Variants in RASSF6 observed in about 807,000 individuals in gnomAD.
The protein encoded by RASSF6 is Ras association domain family member 6.
Under a neutral mutation model 44.0 loss-of-function variants are expected in RASSF6, and 52 were observed. That is an observed-to-expected ratio of 1.18 (90% CI 0.95 to 1.49). The LOEUF (loss-of-function observed/expected upper bound fraction) is 1.49. RASSF6 is among the 40% of genes most tolerant of loss of function. RASSF6 has a pLI of 0.00. For missense variants in RASSF6, 464 were observed against 393.3 expected, an observed-to-expected ratio of 1.18 and a Z score of -1.52; for synonymous variants, 162 against 124.6, an observed-to-expected ratio of 1.30 and a Z score of -2.00.
intron 3 of RASSF6, among the ~76,000 whole-genome samples, chr4:73,596,004 G>T (rs1724915842): frequency 6.6e-6 from 1 of 152,154 alleles, no homozygotes; most frequent in Admixed American, 6.5e-5. Flanking sequence ...GGAAGATATT[G>T]TAAATATGTA....
At position 73,598,678 on chromosome 4, in the gene RASSF6, A is replaced by C; in HGVS notation, c.106T>G (p.Tyr36Asp). ...NSLLKTYNIF[Y>D]ENQKNLHILY... ...ATATGCAGATTTTTCTGGTTCTCATAAAAAATGTTATAGGTCTTCAATAAA... is the reference window on the plus strand; with the variant it reads ...ATATGCAGATTTTTCTGGTTCTCATCAAAAATGTTATAGGTCTTCAATAAA... The change falls in exon 3 of 11, where the codon TAT becomes GAT. Residue 36 changes from tyrosine (Y) to aspartate (D), a missense_variant. Coordinates refer to ENST00000307439, the MANE Select transcript of RASSF6 (RefSeq NM_177532.5). The C allele has an allele frequency of 6.6e-7, 1 of 1,524,812 alleles. No individual in the cohort carries two copies. The highest frequency in any genetic ancestry group is 8.9e-7 in the Non-Finnish European group (1 of 1,120,376). The allele number at this position is 1,524,812 out of a possible 1,614,324, so 94.5% of individuals were successfully genotyped here. A position where few individuals can be genotyped will look rare whatever the true frequency, so the allele number is the denominator to read the frequency against.
At chr4:73,580,016 TC>T (rs1181177123) in intron 8 of RASSF6, among the ~76,000 whole-genome samples, 2 of 103,936 alleles carry the variant, frequency 1.9e-5, no homozygotes, top group South Asian at 4.0e-4. Flanking sequence ...ATGCTATCCC[TC>T]CCCCCTCCCC....
intron 2 of RASSF6, chr4:73,604,323 A>C (rs1373598374): frequency 1.3e-5 from 2 of 152,214 alleles, no homozygotes; most frequent in Non-Finnish European, 2.9e-5. Context: ...AAAATAGAAA[A>C]AAATAGCCAG....
intron 3 of RASSF6, among the ~76,000 whole-genome samples, chr4:73,596,061 G>C (rs1462391438): frequency 6.6e-6 from 1 of 152,114 alleles, no homozygotes; most frequent in African/African-American, 2.4e-5. Flanking sequence ...GACGTGTGGA[G>C]AATGAAACAC....
In RASSF6 at chr4:73,587,877, G is replaced by T. The variant is rs756333980; in HGVS notation, c.345C>A (p.Thr115=). 2.5e-6 allele frequency: 4 copies of T among 1,609,616 alleles called. No individual in the cohort carries two copies. The highest frequency in any genetic ancestry group is 3.4e-6 in the Non-Finnish European group (4 of 1,176,994). The part of the protein sequence containing the change: ...DLYRISELDR[T]QIPMSEKRNS... Reference sequence around the variant, plus strand: ...TCCTTTTTTCAGACATAGGAATCTGGGTCCTGTCCAGCTCACTAATACGAT... The same window carrying T: ...TCCTTTTTTCAGACATAGGAATCTGTGTCCTGTCCAGCTCACTAATACGAT... The change falls in exon 5 of 11, where the codon ACC becomes ACA. Residue 115 remains threonine, a synonymous_variant. Coordinates refer to ENST00000307439, the MANE Select transcript of RASSF6 (RefSeq NM_177532.5).
At chr4:73,588,249 A>T (rs571268131) in intron 4 of RASSF6, among the ~76,000 whole-genome samples, 8 of 152,062 alleles carry the variant, frequency 5.3e-5, no homozygotes, top group Non-Finnish European at 1.0e-4. Context: ...CAAGATGATC[A>T]ATTGTTATAA....
chr4:73,586,058 T>C (rs1009541326), intron 5 of RASSF6, among the ~76,000 whole-genome samples: 47 of 143,082 alleles, frequency 3.3e-4, no homozygotes, highest in Admixed American at 6.0e-4. Flanking sequence ...GCCTTAGTTT[T>C]CCTATAAAAC....
At chr4:73,601,062 T>A (rs1174279187) in intron 2 of RASSF6, among the ~76,000 whole-genome samples, 1 of 152,224 alleles carries the variant, frequency 6.6e-6, no homozygotes, top group Non-Finnish European at 1.5e-5. Context: ...GAGCCTTACA[T>A]AATCTTATTC....
chr4:73,584,702 G>T lies in RASSF6; in HGVS notation c.567+478C>A, dbSNP rs373126889. 5.4e-4 allele frequency among the ~76,000 whole-genome samples: 82 copies of T among 152,144 alleles called. 1 individual carries two copies. In the South Asian group the frequency reaches 0.016, roughly 30 times the overall value. ...GCACTTACATTATTCCAGTATTATT[G>T]TTGGTATGTTGGTTTCCCTGCTCAA... On this transcript the variant is annotated intron_variant, in intron 6 of 10. Transcript: ENST00000307439.
intron 2 of RASSF6, among the ~76,000 whole-genome samples, chr4:73,600,692 G>A (rs6827519): frequency 0.5 from 74,750 of 150,878 alleles, 18,700 homozygotes; most frequent in East Asian, 0.68. Flanking sequence ...CAAGGTGTAC[G>A]TTTCCAAGGA....
rs1016970526 is a variant in RASSF6, at chr4:73,573,114, TAA to T, written c.*3119_*3120del. 6.6e-6 allele frequency: 1 copy of T among 151,962 alleles called. No homozygotes were observed. Among genetic ancestry groups the T allele is most frequent in the African/African-American group, 2.4e-5 (1 of 41,396 alleles). The allele number at this position is 151,962 out of a possible 1,614,324, so 9.4% of individuals were successfully genotyped here. On this transcript the variant is annotated 3_prime_UTR_variant, in exon 11 of 11. Transcript: ENST00000307439. ...TAATGGCTACATAACAATATACAAATAAATGTTTATTTCCCTCTTTTTTTTTT... is the reference window on the plus strand; with the variant it reads ...TAATGGCTACATAACAATATACAAATATGTTTATTTCCCTCTTTTTTTTTT...
intron 8 of RASSF6, among the ~76,000 whole-genome samples, chr4:73,579,769 A>C (rs1038418166): frequency 1.3e-5 from 2 of 151,918 alleles, no homozygotes; most frequent in African/African-American, 4.8e-5. Context: ...GCTACCATTT[A>C]TTTTATATCT....
intron 8 of RASSF6, among the ~76,000 whole-genome samples, chr4:73,579,400 G>T (rs2149363626): frequency 6.6e-6 from 1 of 152,264 alleles, no homozygotes; most frequent in African/African-American, 2.4e-5. Flanking sequence ...TTTCACTAGT[G>T]TTGCATAAAA....
At chr4:73,583,484 T>A (rs1240622839) in intron 6 of RASSF6, among the ~76,000 whole-genome samples, 1 of 152,142 alleles carries the variant, frequency 6.6e-6, no homozygotes, top group Non-Finnish European at 1.5e-5. Context: ...TTAATATGTG[T>A]GTTATTCATA....
chr4:73,584,101 G>A (rs184529588), intron 6 of RASSF6, among the ~76,000 whole-genome samples: 6 of 152,174 alleles, frequency 3.9e-5, no homozygotes, highest in Admixed American at 3.3e-4. Context: ...GACTATCAAT[G>A]CTACTTTATA....
At position 73,593,579 on chromosome 4, in the gene RASSF6, T is replaced by A. The variant is rs933366855; in HGVS notation, c.159A>T (p.Lys53Asn). 3 of 1,613,586 alleles carry A rather than the reference T, an allele frequency of 1.9e-6. No individual in the cohort carries two copies. Among genetic ancestry groups the A allele is most frequent in the Admixed American group, 1.7e-5 (1 of 59,926 alleles). Residue 53 changes from lysine (K) to asparagine (N), a missense_variant, in exon 4 of 11, where the codon AAA (lysine) becomes AAT (asparagine). Physicochemically the swap from Lys to Asn is moderately conservative, Grantham distance 94. Transcript: ENST00000307439. The part of the protein sequence containing the change: ...HILYGETEDG[K>N]LIVEGMLDIF... ...TGTCCAGCATTCCTTCAACAATTAG[T>A]TTGCCATCTTCAGTCTAAGGAAGAA...
chr4:73,596,938 G>T (rs935522821), intron 3 of RASSF6, among the ~76,000 whole-genome samples: 1 of 152,128 alleles, frequency 6.6e-6, no homozygotes, highest in African/African-American at 2.4e-5. Flanking sequence ...AACTGAAACT[G>T]GATCCCTTCT....
rs1307748292 is a variant in RASSF6 at position 73,581,857 on chromosome 4, A to G, written c.681T>C (p.Ser227=). Residue 227 remains serine (S), a synonymous_variant, in exon 8 of 11, where the codon AGT becomes AGC. Transcript: ENST00000307439. ...TAATGTGAAGAGCAAAATCCTGGGG[A>G]CTATTTTCAATCTGTCAAGGGAAAA... ...QLLQKFKIEN[S]PQDFALHIIF... is the part of the protein sequence containing the mutation. 2 of 1,609,810 alleles carry G rather than the reference A, an allele frequency of 1.2e-6. No individual in the cohort carries two copies. The highest frequency in any genetic ancestry group is 3.3e-5 in the Admixed American group (2 of 59,856).
At chr4:73,584,215 C>G (rs181536594) in intron 6 of RASSF6, among the ~76,000 whole-genome samples, 1 of 151,948 alleles carries the variant, frequency 6.6e-6, no homozygotes, top group Non-Finnish European at 1.5e-5. Flanking sequence ...CGTTACCCCC[C>G]AAGGGTAGAA....
Sources: allele counts gnomAD v4.1 joint callset (sites outside exome capture counted in the v4.1 genomes callset), GRCh38; gene constraint gnomAD v4.1.1; transcripts MANE v1.5; gene names NCBI Gene and HGNC (gene_info 2026-07-23, HGNC 2026-07-21).